Variants in GTF2B observed in about 807,000 individuals in gnomAD.
GTF2B encodes general transcription factor IIB.
Under a neutral mutation model 34.6 loss-of-function variants are expected in GTF2B, and 20 were observed. The observed-to-expected ratio is 0.58, with a 90% CI of 0.41 to 0.84. The LOEUF (loss-of-function observed/expected upper bound fraction) is 0.84. Among genes scored for constraint, GTF2B ranks in the 40% least tolerant of loss-of-function variants. GTF2B has a pLI of 0.00. For synonymous variants in GTF2B, 142 were observed against 132.4 expected, an observed-to-expected ratio of 1.07 and a Z score of -0.50; for missense variants, 237 against 393.3, an observed-to-expected ratio of 0.60 and a Z score of 3.36.
chr1:88,880,709 A>C (rs141608767), intron 2 of GTF2B, among the ~76,000 whole-genome samples: 1 of 152,220 alleles, frequency 6.6e-6, no homozygotes, highest in African/African-American at 2.4e-5. Flanking sequence ...AGTACCTACA[A>C]AAATGTAGTA....
rs563826028 is a variant in GTF2B, at chr1:88,855,932, A to C, written c.817+1274T>G. On this transcript the variant is annotated intron_variant, in intron 6 of 6. Coordinates refer to ENST00000370500, the MANE Select transcript of GTF2B (RefSeq NM_001514.6). ...GCATTTGTTCATGAATAACTTCTGTAATCCTCAAAGACTTAGAAAGGAGTA... is the reference window on the plus strand; with the variant it reads ...GCATTTGTTCATGAATAACTTCTGTCATCCTCAAAGACTTAGAAAGGAGTA... 2.5e-4 allele frequency among the ~76,000 whole-genome samples: 38 copies of C among 152,342 alleles called. No homozygotes were observed. In the East Asian group the frequency reaches 6.7e-3, roughly 27 times the overall value.
At chr1:88,883,551 C>T (rs1172572730) in intron 2 of GTF2B, among the ~76,000 whole-genome samples, 1 of 143,856 alleles carries the variant, frequency 7.0e-6, no homozygotes, top group Admixed American at 7.0e-5. Context: ...CTATCTGTAC[C>T]AAAAAAAAAA....
At chr1:88,859,229 T>C (rs1022965146) in intron 5 of GTF2B, among the ~76,000 whole-genome samples, 2 of 152,132 alleles carry the variant, frequency 1.3e-5, no homozygotes, top group African/African-American at 2.4e-5. Flanking sequence ...AAATGGAAAC[T>C]GTTTCCATGT....
intron 3 of GTF2B, 132 bp from the exon 4 acceptor site, chr1:88,860,418 T>C (rs1570719728): frequency 3.2e-6 from 2 of 630,436 alleles, no homozygotes; most frequent in East Asian, 5.3e-5. Context: ...CCTGCTCATC[T>C]ATACTAAATG....
chr1:88,882,590 C>A (rs1249629146), intron 2 of GTF2B, among the ~76,000 whole-genome samples: 1 of 152,122 alleles, frequency 6.6e-6, no homozygotes, highest in African/African-American at 2.4e-5. Flanking sequence ...AAATAAAATT[C>A]TCTTTTGGGG....
Position 88,857,428 on chromosome 1 carries a change from A to G in GTF2B, c.595T>C (p.Leu199=). ...TCCACACTGGTTTCTAGCGCTTTCA[A>G]AATAAGTTTAAAACACCGACCAATT... The part of the protein sequence containing the change: ...KEIGRCFKLI[L]KALETSVDLI... Residue 199 remains leucine (L), a synonymous_variant, in exon 6 of 7, where the codon TTG becomes CTG. Transcript: ENST00000370500. 1 of 1,608,716 alleles carries G rather than the reference A, an allele frequency of 6.2e-7. No individual in the cohort carries two copies. The highest frequency in any genetic ancestry group is 8.5e-7 in the Non-Finnish European group (1 of 1,175,070).
chr1:88,878,853 C>G (rs1254358651), intron 2 of GTF2B, among the ~76,000 whole-genome samples: 2 of 152,198 alleles, frequency 1.3e-5, no homozygotes, highest in African/African-American at 2.4e-5. Flanking sequence ...TATGGAGAAG[C>G]CCTGGAGGAT....
chr1:88,857,135 C>T, intron 6 of GTF2B, 71 bp downstream of exon 6: 1 of 1,408,780 alleles, frequency 7.1e-7, no homozygotes, highest in Non-Finnish European at 9.8e-7. Flanking sequence ...CCGGTTCAGA[C>T]TTAAAATGGA....
intron 2 of GTF2B, among the ~76,000 whole-genome samples, chr1:88,875,856 T>C (rs541472842): frequency 6.6e-6 from 1 of 152,288 alleles, no homozygotes; most frequent in African/African-American, 2.4e-5. Flanking sequence ...AACTGAGACA[T>C]ATGGTAAAAA....
intron 2 of GTF2B, 49 bp downstream of exon 2, chr1:88,887,212 C>T (rs1337651998): frequency 1.6e-6 from 2 of 1,218,740 alleles, no homozygotes; most frequent in Non-Finnish European, 2.4e-6. Context: ...AGCCACCATG[C>T]TTGGCCTCCT....
intron 2 of GTF2B, among the ~76,000 whole-genome samples, chr1:88,881,388 T>C (rs548518924): frequency 2.0e-5 from 3 of 152,286 alleles, no homozygotes; most frequent in Admixed American, 1.3e-4. Flanking sequence ...GAACATACCC[T>C]CATCAAGTGA....
chr1:88,865,117 G>A (rs114186376), intron 2 of GTF2B, among the ~76,000 whole-genome samples: 1,674 of 152,302 alleles, frequency 0.011, 17 homozygotes, highest in Non-Finnish European at 0.019. Flanking sequence ...GCAATTAGAA[G>A]TTACGGTACT....
At chr1:88,881,728 G>C (rs1673945688) in intron 2 of GTF2B, among the ~76,000 whole-genome samples, 1 of 152,114 alleles carries the variant, frequency 6.6e-6, no homozygotes, top group African/African-American at 2.4e-5. Context: ...AAGAAATACT[G>C]TCATATATTA....
intron 2 of GTF2B, among the ~76,000 whole-genome samples, chr1:88,874,896 A>G (rs1283472562): frequency 2.0e-5 from 3 of 151,960 alleles, no homozygotes; most frequent in Admixed American, 1.3e-4. Context: ...CAACGTGGAC[A>G]AACTCTAAAC....
chr1:88,862,701 C>T lies in GTF2B; in HGVS notation c.258+1280G>A, dbSNP rs574998586. 2.6e-5 allele frequency among the ~76,000 whole-genome samples: 4 copies of T among 152,146 alleles called. No homozygotes were observed. In the South Asian group the frequency reaches 8.3e-4, roughly 32 times the overall value. ...TTGCCCAGGCTGGAGTGCAGTCGCGCGATCTCAGCTCACTGCAACCTCCGC... is the reference window on the plus strand; with the variant it reads ...TTGCCCAGGCTGGAGTGCAGTCGCGTGATCTCAGCTCACTGCAACCTCCGC... On this transcript the variant is annotated intron_variant, in intron 3 of 6. Transcript: ENST00000370500.
chr1:88,873,182 GTTTTTTTTTTTTTTT>G, intron 2 of GTF2B, among the ~76,000 whole-genome samples: 1 of 100,452 alleles, frequency 1.0e-5, no homozygotes, highest in South Asian at 3.6e-4. Flanking sequence ...ATTCCATTAA[GTTTTTTTTTTTTTTT>G]TTTTTTTTTT....
chr1:88,858,970 C>T lies in GTF2B; in HGVS notation c.535+912G>A, dbSNP rs192611210. On this transcript the variant is annotated intron_variant, in intron 5 of 6. Coordinates refer to ENST00000370500, the MANE Select transcript of GTF2B (RefSeq NM_001514.6). The stretch of plus-strand genomic sequence containing the variant: ...GCAACCTCTGCCTCCCGGTTTCAAG[C>T]GATTCTTCTGCCTCAGCCTCCTGAG... 8.5e-3 allele frequency among the ~76,000 whole-genome samples: 1,292 copies of T among 151,188 alleles called. 14 individuals carry two copies. Among genetic ancestry groups the T allele is most frequent in the South Asian group, 0.015 (70 of 4,788 alleles).
Position 88,864,116 on chromosome 1 carries a change from T to C in GTF2B, c.125-2A>G, listed in dbSNP as rs1487866075. The C allele has an allele frequency of 6.2e-7, 1 of 1,613,672 alleles. No individual in the cohort carries two copies. The highest frequency in any genetic ancestry group is 1.1e-5 in the South Asian group (1 of 91,078). On this transcript the variant is annotated splice_acceptor_variant, in intron 2 of 6. Coordinates refer to ENST00000370500, the MANE Select transcript of GTF2B (RefSeq NM_001514.6). LOFTEE classifies it high-confidence loss of function. ...ATCCCACATCAATAACCCGGTCACCTAAGAATATAAGCACATATCTGAATC... is the reference window on the plus strand; with the variant it reads ...ATCCCACATCAATAACCCGGTCACCCAAGAATATAAGCACATATCTGAATC...
intron 2 of GTF2B, among the ~76,000 whole-genome samples, chr1:88,872,939 TA>T (rs1032848316): frequency 2.6e-4 from 40 of 152,308 alleles, no homozygotes; most frequent in African/African-American, 8.2e-4. Flanking sequence ...TAAACTATAT[TA>T]GGGGCACAGT....
Sources: allele counts gnomAD v4.1 joint callset (sites outside exome capture counted in the v4.1 genomes callset), GRCh38; gene constraint gnomAD v4.1.1; transcripts MANE v1.5; gene names NCBI Gene and HGNC (gene_info 2026-07-23, HGNC 2026-07-21).